Variants in FANCC observed in about 807,000 individuals in gnomAD.
The protein encoded by FANCC is Fanconi anemia group C protein.
Under a neutral mutation model 71.3 loss-of-function variants are expected in FANCC, and 55 were observed. The observed-to-expected ratio is 0.77, with a 90% CI of 0.62 to 0.97. FANCC has a LOEUF of 0.97. Among genes scored for constraint, FANCC ranks in the 50% least tolerant of loss-of-function variants. The pLI is 0.00. For missense variants in FANCC, 678 were observed against 670.9 expected (o/e 1.01, Z -0.12); for synonymous variants, 275 against 244.9 (o/e 1.12, Z -1.15).
chr9:95,243,767 C>A (rs1396970860), intron 3 of FANCC, among the ~76,000 whole-genome samples: 1 of 152,172 alleles, frequency 6.6e-6, no homozygotes, highest in African/African-American at 2.4e-5. Flanking sequence ...GCACTCCAGC[C>A]TGGGTGAAAG....
intron 4 of FANCC, among the ~76,000 whole-genome samples, chr9:95,217,624 G>A (rs1828955534): frequency 6.6e-6 from 1 of 151,938 alleles, no homozygotes. Context: ...ATAAAGCAGC[G>A]ACTGAGGGAA....
chr9:95,240,863 G>A (rs1313775378), intron 3 of FANCC, 120 bp from the exon 4 acceptor site: 3 of 678,112 alleles, frequency 4.4e-6, no homozygotes, highest in Non-Finnish European at 7.9e-6. Flanking sequence ...AAGTATCCCT[G>A]AATATAACAT....
intron 8 of FANCC, among the ~76,000 whole-genome samples, chr9:95,131,080 ATGT>A (rs943038362): frequency 2.0e-5 from 3 of 152,172 alleles, no homozygotes; most frequent in African/African-American, 7.2e-5. Flanking sequence ...TCTTTACCAG[ATGT>A]TGTTTATACA....
intron 6 of FANCC, among the ~76,000 whole-genome samples, chr9:95,154,582 C>T (rs1261326897): frequency 6.6e-6 from 1 of 152,104 alleles, no homozygotes; most frequent in Non-Finnish European, 1.5e-5. Flanking sequence ...ATGAAGAAAG[C>T]AAGTTGCATA....
At chr9:95,201,537 CTCTT>C (rs1038458629) in intron 4 of FANCC, among the ~76,000 whole-genome samples, 18 of 152,182 alleles carry the variant, frequency 1.2e-4, no homozygotes, top group African/African-American at 4.3e-4. Flanking sequence ...GTCTGGTTCT[CTCTT>C]TCCCTCCGTA....
chr9:95,139,596 G>T (rs1384226895), intron 7 of FANCC, among the ~76,000 whole-genome samples: 1 of 151,990 alleles, frequency 6.6e-6, no homozygotes, highest in Non-Finnish European at 1.5e-5. Context: ...TCTGTGTCCT[G>T]CGAGGGGTAT....
At chr9:95,189,165 T>G (rs1315543174) in intron 4 of FANCC, among the ~76,000 whole-genome samples, 1 of 152,196 alleles carries the variant, frequency 6.6e-6, no homozygotes, top group East Asian at 1.9e-4. Context: ...TTTCTGTAGC[T>G]TTTGCTTCAA....
chr9:95,208,491 G>A (rs1828289997), intron 4 of FANCC, among the ~76,000 whole-genome samples: 1 of 152,074 alleles, frequency 6.6e-6, no homozygotes, highest in Admixed American at 6.6e-5. Context: ...AAGCCACAGA[G>A]TAGGAGAAAA....
At chr9:95,202,100 T>C (rs1020281180) in intron 4 of FANCC, among the ~76,000 whole-genome samples, 1 of 152,232 alleles carries the variant, frequency 6.6e-6, no homozygotes, top group Non-Finnish European at 1.5e-5. Flanking sequence ...AATAAGCTCA[T>C]TGCCATGCAA....
At chr9:95,274,961 G>C (rs186137542) in intron 1 of FANCC, among the ~76,000 whole-genome samples, 3 of 152,058 alleles carry the variant, frequency 2.0e-5, no homozygotes, top group Admixed American at 2.0e-4. Context: ...AGTTCCTCAA[G>C]TAATTTTTAA....
intron 1 of FANCC, among the ~76,000 whole-genome samples, chr9:95,291,605 C>A (rs1172631467): frequency 2.0e-5 from 3 of 151,844 alleles, no homozygotes; most frequent in Non-Finnish European, 2.9e-5. Flanking sequence ...TGGGAAGATA[C>A]CCCATGTTCA....
chr9:95,171,940 A>T, intron 5 of FANCC, 97 bp downstream of exon 5: 1 of 791,088 alleles, frequency 1.3e-6, no homozygotes, highest in South Asian at 1.5e-5. Context: ...AAAGTTAAAC[A>T]TCTCTTCTGG....
intron 1 of FANCC, among the ~76,000 whole-genome samples, chr9:95,253,798 G>A (rs1768527266): frequency 6.6e-6 from 1 of 151,436 alleles, no homozygotes; most frequent in Non-Finnish European, 1.5e-5. Context: ...CAGGGCGGGG[G>A]CAGGGATGGG....
chr9:95,279,023 A>T (rs537812971), intron 1 of FANCC, among the ~76,000 whole-genome samples: 11 of 151,486 alleles, frequency 7.3e-5, no homozygotes, highest in Non-Finnish European at 1.3e-4. Context: ...ACAAAAAAAT[A>T]AAAAAAATTG....
chr9:95,195,856 C>T (rs990390689), intron 4 of FANCC, among the ~76,000 whole-genome samples: 1 of 152,094 alleles, frequency 6.6e-6, no homozygotes, highest in African/African-American at 2.4e-5. Flanking sequence ...ATTTTATTTT[C>T]TTTGGAGTGA....
intron 4 of FANCC, among the ~76,000 whole-genome samples, chr9:95,189,752 C>T (rs375884680): frequency 1.3e-5 from 2 of 152,174 alleles, no homozygotes; most frequent in South Asian, 4.1e-4. Flanking sequence ...TTTGAAAACA[C>T]CCTCATCTCC....
chr9:95,262,991 A>G (rs562467320), intron 1 of FANCC, among the ~76,000 whole-genome samples: 1 of 152,346 alleles, frequency 6.6e-6, no homozygotes, highest in South Asian at 2.1e-4. Context: ...TCTGTTTGGG[A>G]TAACGGGAAA....
chr9:95,254,684 GT>G (rs908077018), intron 1 of FANCC, among the ~76,000 whole-genome samples: 7 of 152,188 alleles, frequency 4.6e-5, no homozygotes, highest in Admixed American at 2.0e-4. Flanking sequence ...AGCTGCAGGA[GT>G]TTTTTCATAC....
chr9:95,251,189 C>T (rs2136111105), intron 1 of FANCC, among the ~76,000 whole-genome samples: 1 of 152,310 alleles, frequency 6.6e-6, no homozygotes, highest in South Asian at 2.1e-4. Context: ...GCAGCATATG[C>T]CTGGCAAACA....
Sources: allele counts gnomAD v4.1 joint callset (sites outside exome capture counted in the v4.1 genomes callset), GRCh38; gene constraint gnomAD v4.1.1; transcripts MANE v1.5; gene names NCBI Gene and HGNC (gene_info 2026-07-23, HGNC 2026-07-21).